B4GALNT1: variants seen among roughly 807,000 people sequenced by gnomAD.
B4GALNT1 encodes the protein beta-1,4 N-acetylgalactosaminyltransferase 1.
In B4GALNT1, 43 loss-of-function variants were observed where a neutral mutation model predicts 55.2. The ratio of observed to expected loss-of-function variants is 0.78; its 90% CI spans 0.61 to 1.00. The LOEUF (loss-of-function observed/expected upper bound fraction) is 1.00, where lower values mean the gene tolerates loss of function less well. B4GALNT1 is among the 50% of genes least tolerant of loss of function. B4GALNT1 has a pLI of 0.00. For missense variants in B4GALNT1, 664 were observed against 729.7 expected (o/e 0.91, Z 1.04); for synonymous variants, 305 against 311.6 (o/e 0.98, Z 0.22).
At chr12:57,627,925 C>T (rs1233909520) in intron 9 of B4GALNT1, 67 bp from the exon 10 acceptor site, 1 of 1,482,634 alleles carries the variant, frequency 6.7e-7, no homozygotes, top group South Asian at 1.3e-5. Context: ...TCAAGGTCTG[C>T]GCTCCGGTGC....
chr12:57,629,397 T>C, intron 6 of B4GALNT1: 1 of 391,990 alleles, frequency 2.6e-6, no homozygotes, highest in Non-Finnish European at 4.5e-6. Context: ...TTACCTTAAA[T>C]ATATGCACTC....
At position 57,625,351 on chromosome 12, in the gene B4GALNT1, T is replaced by A; in HGVS notation, c.*1393A>T. 6.2e-7 allele frequency: 1 copy of A among 1,614,020 alleles called. No homozygotes were observed. The highest frequency in any genetic ancestry group is 1.1e-5 in the South Asian group (1 of 91,076). ...AGAGGGTAGGTTGAGGAGAAACCCCTTAGCATCTCACTCATACCCTCTGAT... is the reference window on the plus strand; with the variant it reads ...AGAGGGTAGGTTGAGGAGAAACCCCATAGCATCTCACTCATACCCTCTGAT... On this transcript the variant is annotated 3_prime_UTR_variant, in exon 11 of 11. Coordinates refer to ENST00000341156, the MANE Select transcript of B4GALNT1 (RefSeq NM_001478.5).
Position 57,625,981 on chromosome 12 carries a change from T to C in B4GALNT1, c.*763A>G, listed in dbSNP as rs116948011. 4.6e-3 allele frequency: 1,871 copies of C among 409,212 alleles called. 7 individuals carry two copies. The highest frequency in any genetic ancestry group is 6.9e-3 in the Non-Finnish European group (1,617 of 233,744). The allele number at this position is 409,212 out of a possible 1,614,324, so 25.3% of individuals were successfully genotyped here. On this transcript the variant is annotated 3_prime_UTR_variant, in exon 11 of 11. Transcript: ENST00000341156. ...GGGTGCCTAATCTATTCCTGACATGTCTCCTCTCTTCTCCAGGAGCTCACT... is the reference window on the plus strand; with the variant it reads ...GGGTGCCTAATCTATTCCTGACATGCCTCCTCTCTTCTCCAGGAGCTCACT...
chr12:57,625,791 G>A lies in B4GALNT1; in HGVS notation c.*953C>T. ...GACCCAGGGAGAGGGGTTTGGGAAA[G>A]GGTCTGAGGAAGATCAAGAAGAAAA... is the stretch of plus-strand genomic sequence containing the variant. On this transcript the variant is annotated 3_prime_UTR_variant, in exon 11 of 11. Transcript: ENST00000341156. 6.7e-7 allele frequency: 1 copy of A among 1,502,046 alleles called. No homozygotes were observed. Among genetic ancestry groups the A allele is most frequent in the Non-Finnish European group, 8.9e-7 (1 of 1,129,212 alleles). 93.0% of individuals were successfully genotyped at this position (1,502,046 alleles called of 1,614,324 possible). A position where few individuals can be genotyped will look rare whatever the true frequency, so the allele number is the denominator to read the frequency against.
intron 10 of B4GALNT1, among the ~76,000 whole-genome samples, chr12:57,627,396 A>C (rs1884890409): frequency 7.2e-6 from 1 of 139,724 alleles, no homozygotes; most frequent in Admixed American, 7.1e-5. Context: ...GTATAACAAA[A>C]AATATATATA....
intron 2 of B4GALNT1, 115 bp downstream of exon 2, chr12:57,631,800 A>AC: frequency 9.2e-7 from 1 of 1,087,832 alleles, no homozygotes; most frequent in Non-Finnish European, 1.2e-6. Flanking sequence ...CTCCCACTTC[A>AC]CTCCACACAG....
At position 57,623,626 on chromosome 12, in the gene B4GALNT1, AGACTGGT is replaced by A. The variant is rs2140232824; in HGVS notation, c.*3111_*3117del. 2 of 571,970 alleles carry A rather than the reference AGACTGGT, an allele frequency of 3.5e-6. No individual in the cohort carries two copies. The highest frequency in any genetic ancestry group is 5.9e-5 in the East Asian group (2 of 33,640). 35.4% of individuals were successfully genotyped at this position (571,970 alleles called of 1,614,324 possible). A position where few individuals can be genotyped will look rare whatever the true frequency, so the allele number is the denominator to read the frequency against. ...ACTTGAACAATGGACATCTACAAGG[AGACTGGT>A]GAATAATGGGCATTTAATTAATTGG... On this transcript the variant is annotated 3_prime_UTR_variant, in exon 11 of 11. Coordinates refer to ENST00000341156, the MANE Select transcript of B4GALNT1 (RefSeq NM_001478.5).
At position 57,625,697 on chromosome 12, in the gene B4GALNT1, C is replaced by T; in HGVS notation, c.*1047G>A. On this transcript the variant is annotated 3_prime_UTR_variant, in exon 11 of 11. Coordinates refer to ENST00000341156, the MANE Select transcript of B4GALNT1 (RefSeq NM_001478.5). Reference sequence around the variant, plus strand: ...ATGCCCTGGGGAGCCTGTTAAGGGGCAGTAGCACCAGGAGCGGGAGCCAGG... The same window carrying T: ...ATGCCCTGGGGAGCCTGTTAAGGGGTAGTAGCACCAGGAGCGGGAGCCAGG... 1 of 1,550,124 alleles carries T rather than the reference C, an allele frequency of 6.5e-7. No homozygotes were observed. The highest frequency in any genetic ancestry group is 8.7e-7 in the Non-Finnish European group (1 of 1,150,390).
chr12:57,624,671 C>T lies in B4GALNT1; in HGVS notation c.*2073G>A. ...GAAGAGAATGAGGTGCTTGGGGTGA[C>T]TCTCCAGCCAGGCCAGGCTAAGCTG... On this transcript the variant is annotated 3_prime_UTR_variant, in exon 11 of 11. Transcript: ENST00000341156. 1.4e-6 allele frequency: 1 copy of T among 738,438 alleles called. No homozygotes were observed. The highest frequency in any genetic ancestry group is 2.6e-5 in the East Asian group (1 of 38,676). The allele number at this position is 738,438 out of a possible 1,614,324, so 45.7% of individuals were successfully genotyped here. A position where few individuals can be genotyped will look rare whatever the true frequency, so the allele number is the denominator to read the frequency against.
rs1430090532 is a variant in B4GALNT1, at chr12:57,632,976, G to C, written c.-206C>G. On this transcript the variant is annotated 5_prime_UTR_variant, in exon 1 of 11. Transcript: ENST00000341156. ...CCGGGGCTTTTGTGGAGCGCGGCGC[G>C]GTGGTGGTTCTGGGCGTTTCCTGCC... is the stretch of plus-strand genomic sequence containing the variant. The C allele has an allele frequency of 6.5e-6, 1 of 152,678 alleles. No individual in the cohort carries two copies. Among genetic ancestry groups the C allele is most frequent in the Non-Finnish European group, 1.5e-5 (1 of 68,400 alleles). 9.5% of individuals were successfully genotyped at this position (152,678 alleles called of 1,614,324 possible). A position where few individuals can be genotyped will look rare whatever the true frequency, so the allele number is the denominator to read the frequency against.
chr12:57,628,311 G>A (rs777306322), intron 8 of B4GALNT1, 49 bp from the exon 9 acceptor site: 6 of 1,607,214 alleles, frequency 3.7e-6, no homozygotes, highest in Non-Finnish European at 3.4e-6. Context: ...ATAGGACATG[G>A]CCCTCTGCCA....
intron 6 of B4GALNT1, 192 bp downstream of exon 6, chr12:57,629,960 C>T: frequency 6.5e-7 from 1 of 1,536,934 alleles, no homozygotes; most frequent in Non-Finnish European, 8.7e-7. Context: ...CTGGCCTGCT[C>T]CAGCCCCAGA....
In B4GALNT1 at chr12:57,623,759, G is replaced by T. The variant is rs1006248320; in HGVS notation, c.*2985C>A. Reference sequence around the variant, plus strand: ...AGACTTCCGAGGAAGATTAGGCAGAGTGGGCAGGAAGACCAGCTCTCATGT... The same window carrying T: ...AGACTTCCGAGGAAGATTAGGCAGATTGGGCAGGAAGACCAGCTCTCATGT... On this transcript the variant is annotated 3_prime_UTR_variant, in exon 11 of 11. Coordinates refer to ENST00000341156, the MANE Select transcript of B4GALNT1 (RefSeq NM_001478.5). The T allele has an allele frequency of 1.6e-6, 2 of 1,260,212 alleles. No individual in the cohort carries two copies. Among genetic ancestry groups the T allele is most frequent in the African/African-American group, 3.0e-5 (2 of 66,758 alleles). 78.1% of individuals were successfully genotyped at this position (1,260,212 alleles called of 1,614,324 possible).
chr12:57,625,753 GTA>G lies in B4GALNT1; in HGVS notation c.*989_*990del, dbSNP rs1884767992. On this transcript the variant is annotated 3_prime_UTR_variant, in exon 11 of 11. Transcript: ENST00000341156. ...CTGGGCTGCGGCAAGTGAGGCAGGG[GTA>G]AGTGGCTGGAGACCCAGGGAGAGGG... 1 of 1,519,328 alleles carries G rather than the reference GTA, an allele frequency of 6.6e-7. No homozygotes were observed. The highest frequency in any genetic ancestry group is 8.8e-7 in the Non-Finnish European group (1 of 1,135,710). 94.1% of individuals were successfully genotyped at this position (1,519,328 alleles called of 1,614,324 possible). A position where few individuals can be genotyped will look rare whatever the true frequency, so the allele number is the denominator to read the frequency against.
chr12:57,631,149 A>G (rs532820278), intron 3 of B4GALNT1, 51 bp downstream of exon 3: 93 of 1,612,438 alleles, frequency 5.8e-5, no homozygotes, highest in Non-Finnish European at 7.2e-5. Flanking sequence ...CCCTCCCGGC[A>G]CAATCACTGC....
Position 57,624,673 on chromosome 12 carries a change from C to T in B4GALNT1, c.*2071G>A. 1 of 740,872 alleles carries T rather than the reference C, an allele frequency of 1.3e-6. No homozygotes were observed. The highest frequency in any genetic ancestry group is 2.5e-6 in the Non-Finnish European group (1 of 398,298). 45.9% of individuals were successfully genotyped at this position (740,872 alleles called of 1,614,324 possible). A position where few individuals can be genotyped will look rare whatever the true frequency, so the allele number is the denominator to read the frequency against. ...AGAGAATGAGGTGCTTGGGGTGACTCTCCAGCCAGGCCAGGCTAAGCTGGA... is the reference window on the plus strand; with the variant it reads ...AGAGAATGAGGTGCTTGGGGTGACTTTCCAGCCAGGCCAGGCTAAGCTGGA... On this transcript the variant is annotated 3_prime_UTR_variant, in exon 11 of 11. Coordinates refer to ENST00000341156, the MANE Select transcript of B4GALNT1 (RefSeq NM_001478.5).
At chr12:57,628,666 C>G in intron 8 of B4GALNT1, 47 bp downstream of exon 8, 1 of 1,608,644 alleles carries the variant, frequency 6.2e-7, no homozygotes, top group Non-Finnish European at 8.5e-7. Context: ...AGGGCACACC[C>G]CCTGCGGGAG....
intron 1 of B4GALNT1, 142 bp from the exon 2 acceptor site, chr12:57,632,275 C>A (rs1423014390): frequency 4.7e-6 from 4 of 848,084 alleles, no homozygotes; most frequent in Non-Finnish European, 7.8e-6. Context: ...AGGGTTTGCA[C>A]TGCCAGCCGC....
At position 57,628,039 on chromosome 12, in the gene B4GALNT1, G is replaced by T. The variant is rs537686267; in HGVS notation, c.1143+83C>A. 1.4e-4 allele frequency: 218 copies of T among 1,572,706 alleles called. 1 individual carries two copies. The East Asian group carries it at 4.5e-3, about 32-fold the overall frequency. On this transcript the variant is annotated intron_variant, in intron 9 of 10. Coordinates refer to ENST00000341156, the MANE Select transcript of B4GALNT1 (RefSeq NM_001478.5). ...TTCTCTCTTTGTCCTAGGGCTGGCCGTTCCTGGCCGCAGCGCCCCCGCTGT... is the reference window on the plus strand; with the variant it reads ...TTCTCTCTTTGTCCTAGGGCTGGCCTTTCCTGGCCGCAGCGCCCCCGCTGT...
Sources: gnomAD v4.1 joint callset for allele counts (sites outside exome capture counted in the v4.1 genomes callset) on GRCh38, gnomAD v4.1.1 for gene constraint, MANE v1.5 for transcripts, NCBI Gene and HGNC (gene_info 2026-07-23, HGNC 2026-07-21) for gene names.